The following C1orf141 variants were observed in gnomAD, a reference collection of about 807,000 sequenced individuals.
C1orf141 encodes uncharacterized protein C1orf141.
C1orf141 carries 19 observed loss-of-function variants against 23.2 expected under a neutral mutation model. The observed-to-expected ratio is 0.82, with a 90% confidence interval of 0.57 to 1.20. The LOEUF (loss-of-function observed/expected upper bound fraction) is 1.20. Among genes scored for constraint, C1orf141 ranks in the 50% most tolerant of loss-of-function variants. The pLI is 0.00. For synonymous variants in C1orf141, 153 were observed against 154.6 expected, an observed-to-expected ratio of 0.99 and a Z score of 0.08; for missense variants, 469 against 455.1, an observed-to-expected ratio of 1.03 and a Z score of -0.28.
chr1:67,095,498 C>T, intron 6 of C1orf141, 77 bp from the exon 7 acceptor site: 1 of 827,226 alleles, frequency 1.2e-6, no homozygotes, highest in South Asian at 2.1e-5. Flanking sequence ...CTCCTTTTAT[C>T]CCTGGAAGTC....
intron 1 of C1orf141, among the ~76,000 whole-genome samples, chr1:67,140,908 A>C (rs1266499382): frequency 2.0e-5 from 3 of 152,166 alleles, no homozygotes; most frequent in Admixed American, 6.5e-5. Context: ...AAATATTCTG[A>C]TCAAGATCAC....
intron 1 of C1orf141, among the ~76,000 whole-genome samples, chr1:67,132,140 G>A (rs1457095396): frequency 6.6e-6 from 1 of 151,162 alleles, no homozygotes; most frequent in Non-Finnish European, 1.5e-5. Context: ...TCTATTTATT[G>A]TGTGCTCCTG....
At chr1:67,134,829 A>G (rs1490973561) in intron 1 of C1orf141, 101 bp downstream of exon 1, 1 of 152,376 alleles carries the variant, frequency 6.6e-6, no homozygotes, top group Non-Finnish European at 1.5e-5. Context: ...CGGGGACAGA[A>G]AGGCCGTTTA....
chr1:67,129,620 C>G (rs993507144), intron 2 of C1orf141, among the ~76,000 whole-genome samples: 36 of 152,150 alleles, frequency 2.4e-4, no homozygotes, highest in Admixed American at 1.7e-3. Context: ...CTTGTGGTAC[C>G]TAACTAAAAC....
intron 4 of C1orf141, among the ~76,000 whole-genome samples, chr1:67,116,669 C>G (rs1288633302): frequency 6.6e-6 from 1 of 152,128 alleles, no homozygotes; most frequent in Non-Finnish European, 1.5e-5. Context: ...CCAGGCCTCT[C>G]TCTGCATACC....
At chr1:67,139,184 C>G (rs1303689269), upstream of C1orf141, 1 of 152,090 alleles carries the variant, frequency 6.6e-6, no homozygotes, top group Non-Finnish European at 1.5e-5. Context: ...TGTGTATAAA[C>G]CAGTCTGATT....
At chr1:67,110,392 G>A (rs4655675) in intron 5 of C1orf141, among the ~76,000 whole-genome samples, 133,972 of 152,106 alleles carry the variant, frequency 0.88, 59,175 homozygotes, top group East Asian at 0.97. Context: ...CAGGATGCAC[G>A]GTGGTATAAA....
intron 5 of C1orf141, among the ~76,000 whole-genome samples, chr1:67,097,267 T>C (rs1025648603): frequency 3.9e-5 from 6 of 151,932 alleles, no homozygotes; most frequent in African/African-American, 1.5e-4. Flanking sequence ...AACAAATAAA[T>C]GTATAATATA....
intron 4 of C1orf141, chr1:67,121,830 A>G (rs111514115): frequency 7.2e-5 from 11 of 152,308 alleles, no homozygotes; most frequent in African/African-American, 2.4e-4. Context: ...GAAGAAGGCC[A>G]TATCAACCTC....
rs1242618465 is a variant in C1orf141, at chr1:67,127,177, T to C, written c.64A>G (p.Arg22Gly). 3 of 1,606,988 alleles carry C rather than the reference T, an allele frequency of 1.9e-6. No homozygotes were observed. The highest frequency in any genetic ancestry group is 3.3e-4 in the Middle Eastern group (2 of 6,052). The change falls in exon 3 of 8, where the codon AGA becomes GGA. Residue 22 changes from arginine to glycine, a missense_variant. Transcript: ENST00000684719. ...TATACGTCACAAACCTTTGTTCTTCTGGCCAAGATTATCTCTGCTTGCTTA... is the reference window on the plus strand; with the variant it reads ...TATACGTCACAAACCTTTGTTCTTCCGGCCAAGATTATCTCTGCTTGCTTA... ...LDKQAEIILA[R>G]RTKINRLQSE...
At chr1:67,114,922 C>T (rs112523820) in intron 5 of C1orf141, among the ~76,000 whole-genome samples, 16,434 of 152,272 alleles carry the variant, frequency 0.11, 963 homozygotes, top group African/African-American at 0.15. Flanking sequence ...GGGATCCACC[C>T]GCCTCGGCCT....
intron 4 of C1orf141, chr1:67,122,770 C>A (rs1646324610): frequency 6.6e-6 from 1 of 152,156 alleles, no homozygotes; most frequent in Non-Finnish European, 1.5e-5. Flanking sequence ...TCTTCCATAT[C>A]CATGGCTATA....
At chr1:67,141,153 T>C (rs1300675525) in intron 1 of C1orf141, among the ~76,000 whole-genome samples, 1 of 152,212 alleles carries the variant, frequency 6.6e-6, no homozygotes, top group South Asian at 2.1e-4. Flanking sequence ...ATACACAGAA[T>C]GATTCTTTTA....
At chr1:67,099,830 G>A (rs1645759051) in intron 5 of C1orf141, among the ~76,000 whole-genome samples, 1 of 152,164 alleles carries the variant, frequency 6.6e-6, no homozygotes, top group African/African-American at 2.4e-5. Flanking sequence ...TCAATGATGA[G>A]CACAGAATTT....
intron 5 of C1orf141, chr1:67,113,679 A>C (rs1646128768): frequency 7.9e-7 from 1 of 1,258,666 alleles, no homozygotes. Context: ...CTTTGTAAGA[A>C]GTACAAGTTT....
chr1:67,114,719 C>T (rs760257013), intron 5 of C1orf141, among the ~76,000 whole-genome samples: 1 of 152,222 alleles, frequency 6.6e-6, no homozygotes, highest in Non-Finnish European at 1.5e-5. Context: ...TCTTGTCACC[C>T]AGGCTGGAGT....
At chr1:67,137,510 T>C (rs564807776), upstream of C1orf141, among the ~76,000 whole-genome samples, 79 of 152,284 alleles carry the variant, frequency 5.2e-4, no homozygotes, top group Admixed American at 9.2e-4. Context: ...AACCACATGG[T>C]TAATCTCTAT....
intron 5 of C1orf141, chr1:67,103,460 G>T: frequency 1.2e-6 from 1 of 821,656 alleles, no homozygotes; most frequent in Non-Finnish European, 1.7e-6. Flanking sequence ...TTATGCTTGA[G>T]TATTCACATT....
chr1:67,097,535 G>A (rs78824210), intron 5 of C1orf141, among the ~76,000 whole-genome samples: 7,721 of 152,282 alleles, frequency 0.051, 250 homozygotes, highest in South Asian at 0.066. Context: ...AAGATGGGTT[G>A]AAGCACATAG....
Sources: allele counts gnomAD v4.1 joint callset (sites outside exome capture counted in the v4.1 genomes callset), GRCh38; gene constraint gnomAD v4.1.1; transcripts MANE v1.5; gene names NCBI Gene and HGNC (gene_info 2026-07-23, HGNC 2026-07-21).